FRMPD4: variants seen among roughly 807,000 people sequenced by gnomAD.
FRMPD4 encodes the protein FERM and PDZ domain containing 4.
In FRMPD4, 22 loss-of-function variants were observed where a neutral mutation model predicts 94.1. That is an observed-to-expected ratio of 0.23 (90% CI 0.17 to 0.33). The LOEUF (loss-of-function observed/expected upper bound fraction) is 0.33. Ranked by LOEUF, FRMPD4 falls within the 10% of genes least tolerant of loss-of-function variation. The probability of loss-of-function intolerance (pLI) is 1.00; values close to 1 mark genes in which losing one functional copy is unlikely to be tolerated. For synonymous variants in FRMPD4, 631 were observed against 548.6 expected (o/e 1.15, Z -2.10); for missense variants, 1,111 against 1,339.9 (o/e 0.83, Z 2.67).
At chrX:12,054,324 T>C (rs1450354715) in intron 3 of FRMPD4, among the ~76,000 whole-genome samples, 1 of 111,126 alleles carries the variant, frequency 9.0e-6, no homozygotes, top group African/African-American at 3.3e-5. Context: ...CCACAGATAA[T>C]GGTTTAAAGG....
intron 2 of FRMPD4, among the ~76,000 whole-genome samples, chrX:12,541,105 T>A (rs1434436982): frequency 8.9e-6 from 1 of 111,875 alleles, no homozygotes; most frequent in African/African-American, 3.3e-5. Flanking sequence ...TAGAGGGAAA[T>A]TTATAGCACT....
At chrX:12,375,555 C>T (rs973465287) in intron 1 of FRMPD4, among the ~76,000 whole-genome samples, 2 of 112,635 alleles carry the variant, frequency 1.8e-5, no homozygotes, top group African/African-American at 3.2e-5. Flanking sequence ...TCTTCTTCTG[C>T]GTTACTTTTC....
intron 3 of FRMPD4, among the ~76,000 whole-genome samples, chrX:12,021,435 TAAC>T (rs1438397847): frequency 2.7e-5 from 3 of 111,602 alleles, no homozygotes; most frequent in African/African-American, 9.7e-5. Context: ...CATCAAATAT[TAAC>T]AAAATATTCA....
intron 3 of FRMPD4, among the ~76,000 whole-genome samples, chrX:11,884,371 T>A (rs1467441755): frequency 8.9e-6 from 1 of 112,190 alleles, no homozygotes; most frequent in African/African-American, 3.2e-5. Flanking sequence ...GCTTTTTGGT[T>A]ACACTCAGTT....
intron 3 of FRMPD4, among the ~76,000 whole-genome samples, chrX:12,032,759 T>G (rs770224812): frequency 8.9e-6 from 1 of 112,132 alleles, no homozygotes; most frequent in South Asian, 3.8e-4. Flanking sequence ...GGTAAATAAA[T>G]AAGTACTTAA....
intron 4 of FRMPD4, among the ~76,000 whole-genome samples, chrX:12,639,227 A>G (rs1292583095): frequency 2.7e-5 from 3 of 111,964 alleles, no homozygotes; most frequent in Non-Finnish European, 5.6e-5. Flanking sequence ...GATTTTGCCA[A>G]CTTTCCATAA....
chrX:12,114,745 T>A (rs2055393287), intron 3 of FRMPD4, among the ~76,000 whole-genome samples: 1 of 112,752 alleles, frequency 8.9e-6, no homozygotes, highest in Non-Finnish European at 1.9e-5. Context: ...TTAATTTTTA[T>A]TTCCTTTTTA....
intron 1 of FRMPD4, among the ~76,000 whole-genome samples, chrX:12,467,557 A>T (rs1165660713): frequency 1.8e-5 from 2 of 112,400 alleles, no homozygotes; most frequent in African/African-American, 6.5e-5. Flanking sequence ...TCCACAGTAC[A>T]AAAGTGCCCA....
At chrX:12,699,423 G>A (rs1406034387) in intron 9 of FRMPD4, among the ~76,000 whole-genome samples, 1 of 112,581 alleles carries the variant, frequency 8.9e-6, no homozygotes, top group African/African-American at 3.2e-5. Context: ...GTGAGAGAAT[G>A]TGACTTCACT....
chrX:12,436,044 C>T (rs1484110745), intron 1 of FRMPD4, among the ~76,000 whole-genome samples: 1 of 111,345 alleles, frequency 9.0e-6, no homozygotes, highest in Non-Finnish European at 1.9e-5. Flanking sequence ...CTTGCTCTGT[C>T]GCCCAAGCTG....
At chrX:12,013,090 G>A (rs1230328625) in intron 3 of FRMPD4, among the ~76,000 whole-genome samples, 1 of 111,836 alleles carries the variant, frequency 8.9e-6, no homozygotes, top group African/African-American at 3.2e-5. Context: ...TGTTTATAGT[G>A]GTCTCTGGTT....
At chrX:12,328,234 C>A (rs1433845635) in intron 1 of FRMPD4, among the ~76,000 whole-genome samples, 1 of 112,137 alleles carries the variant, frequency 8.9e-6, no homozygotes, top group African/African-American at 3.2e-5. Context: ...ATGTACCAAA[C>A]AATTAAAACT....
chrX:11,826,644 C>T (rs1181077548), intron 1 of FRMPD4, among the ~76,000 whole-genome samples: 2 of 111,911 alleles, frequency 1.8e-5, no homozygotes, highest in African/African-American at 6.5e-5. Flanking sequence ...ATAGGTTTCT[C>T]TTTTTGGCAT....
intron 4 of FRMPD4, among the ~76,000 whole-genome samples, chrX:12,657,778 C>G (rs1048668686): frequency 2.7e-5 from 3 of 112,389 alleles, no homozygotes; most frequent in East Asian, 2.8e-4. Flanking sequence ...AACAGAATCT[C>G]TGGATCTCAC....
At chrX:12,666,523 A>T (rs1361203622) in intron 4 of FRMPD4, among the ~76,000 whole-genome samples, 1 of 111,783 alleles carries the variant, frequency 8.9e-6, no homozygotes, top group Non-Finnish European at 1.9e-5. Context: ...TGACCACTTA[A>T]TTGGAAGTAA....
intron 3 of FRMPD4, among the ~76,000 whole-genome samples, chrX:12,089,154 G>T (rs1281532608): frequency 8.9e-6 from 1 of 112,075 alleles, no homozygotes; most frequent in Non-Finnish European, 1.9e-5. Context: ...TCATTTTGGT[G>T]TCACATTTCA....
Position 12,716,189 on chromosome X carries a change from A to C in FRMPD4, c.1730A>C (p.Gln577Pro). The C allele has an allele frequency of 8.3e-7, 1 of 1,207,432 alleles. No individual in the cohort carries two copies. The highest frequency in any genetic ancestry group is 3.0e-5 in the East Asian group (1 of 33,852). ...EAQITYIDSK[Q>P]KTVEITDSTM... ...CAGATAACATACATAGATTCAAAGC[A>C]GAAGACGGTGGAGATCACAGACAGC... The change falls in exon 15 of 17, where the codon CAG becomes CCG. Residue 577 changes from glutamine to proline, a missense_variant. By Grantham distance (76) the Gln-to-Pro change is moderately conservative (BLOSUM62 -1). Coordinates refer to ENST00000675598, the MANE Select transcript of FRMPD4 (RefSeq NM_001368397.1).
chrX:11,858,243 A>G (rs2053664165), intron 1 of FRMPD4, among the ~76,000 whole-genome samples: 1 of 111,761 alleles, frequency 8.9e-6, no homozygotes, highest in South Asian at 3.7e-4. Flanking sequence ...TTATAAAGAC[A>G]TATGTACGTG....
intron 2 of FRMPD4, among the ~76,000 whole-genome samples, chrX:12,555,825 T>C (rs2058589836): frequency 8.9e-6 from 1 of 112,452 alleles, no homozygotes; most frequent in Non-Finnish European, 1.9e-5. Context: ...TATACTGTAA[T>C]TGGAAATAAC....
Sources: gnomAD v4.1 joint callset for allele counts (sites outside exome capture counted in the v4.1 genomes callset) on GRCh38, gnomAD v4.1.1 for gene constraint, MANE v1.5 for transcripts, NCBI Gene and HGNC (gene_info 2026-07-23, HGNC 2026-07-21) for gene names.